Variants in OR4K17 observed in about 807,000 individuals in gnomAD.
OR4K17 encodes the protein olfactory receptor 4K17.
For missense variants in OR4K17, 480 were observed against 366.3 expected (o/e 1.31, Z -2.53); for synonymous variants, 157 against 132.8 (o/e 1.18, Z -1.25).
rs1878103958 is a variant in OR4K17, at chr14:20,119,377, G to A, written c.*939G>A. 1 of 152,288 alleles carries A rather than the reference G, an allele frequency of 6.6e-6. No individual in the cohort carries two copies. Among genetic ancestry groups the A allele is most frequent in the African/African-American group, 2.4e-5 (1 of 41,560 alleles). The allele number at this position is 152,288 out of a possible 1,614,324, so 9.4% of individuals were successfully genotyped here. A position where few individuals can be genotyped will look rare whatever the true frequency, so the allele number is the denominator to read the frequency against. On this transcript the variant is annotated 3_prime_UTR_variant, in exon 2 of 2. Transcript: ENST00000641386. The stretch of plus-strand genomic sequence containing the variant: ...GATTAAGAGATTAAAGTAAAGACAG[G>A]CATAGGAAATCACAAGAGTATTGAT...
chr14:20,115,342 A>G, intron 1 of OR4K17, among the ~76,000 whole-genome samples: 1 of 152,086 alleles, frequency 6.6e-6, no homozygotes, highest in Non-Finnish European at 1.5e-5. Context: ...GCATTATTCA[A>G]TATTTTAAGA....
rs909686381 is a variant in OR4K17, at chr14:20,119,184, A to G, written c.*746A>G. On this transcript the variant is annotated 3_prime_UTR_variant, in exon 2 of 2. Coordinates refer to ENST00000641386, the MANE Select transcript of OR4K17 (RefSeq NM_001004715.5). ...CCCAGCTCCCAGGCAGTCAGACCTA[A>G]TGGTTATCTCTCTTGTTCCCTGAAC... 2 of 152,254 alleles carry G rather than the reference A, an allele frequency of 1.3e-5. No homozygotes were observed. The highest frequency in any genetic ancestry group is 4.8e-5 in the African/African-American group (2 of 41,462). The allele number at this position is 152,254 out of a possible 1,614,324, so 9.4% of individuals were successfully genotyped here. A position where few individuals can be genotyped will look rare whatever the true frequency, so the allele number is the denominator to read the frequency against.
chr14:20,121,832 C>G lies in OR4K17; in HGVS notation c.*3394C>G, dbSNP rs958807842. ...TAGGTTTTACATTCACAGACTCAAT[C>G]AACCACAGATCAAAACTATCAAAAA... is the stretch of plus-strand genomic sequence containing the variant. On this transcript the variant is annotated 3_prime_UTR_variant, in exon 2 of 2. Transcript: ENST00000641386. 5 of 151,982 alleles carry G rather than the reference C, an allele frequency of 3.3e-5. No individual in the cohort carries two copies. Among genetic ancestry groups the G allele is most frequent in the African/African-American group, 1.2e-4 (5 of 41,410 alleles). 9.4% of individuals were successfully genotyped at this position (151,982 alleles called of 1,614,324 possible). A position where few individuals can be genotyped will look rare whatever the true frequency, so the allele number is the denominator to read the frequency against.
chr14:20,113,499 C>T (rs1044921754), intron 1 of OR4K17, among the ~76,000 whole-genome samples: 1 of 151,880 alleles, frequency 6.6e-6, no homozygotes, highest in Non-Finnish European at 1.5e-5. Flanking sequence ...TTATTGTGTG[C>T]CAACTATATG....
intron 1 of OR4K17, among the ~76,000 whole-genome samples, chr14:20,111,326 C>T (rs1877879204): frequency 6.6e-6 from 1 of 151,970 alleles, no homozygotes; most frequent in African/African-American, 2.4e-5. Context: ...AGGAGAGAAT[C>T]ATCGACTGAG....
rs1878174801 is a variant in OR4K17, at chr14:20,121,703, A to C, written c.*3265A>C. Reference sequence around the variant, plus strand: ...ATGAATAAATGAAGACGAAAGAGAAAGATGAAGCAAAAGAAAAGGAAGGGA... The same window carrying C: ...ATGAATAAATGAAGACGAAAGAGAACGATGAAGCAAAAGAAAAGGAAGGGA... On this transcript the variant is annotated 3_prime_UTR_variant, in exon 2 of 2. Transcript: ENST00000641386. The C allele has an allele frequency of 6.6e-6, 1 of 152,052 alleles. No homozygotes were observed. Among genetic ancestry groups the C allele is most frequent in the South Asian group, 2.1e-4 (1 of 4,834 alleles). The allele number at this position is 152,052 out of a possible 1,614,324, so 9.4% of individuals were successfully genotyped here.
In OR4K17 at chr14:20,118,724, G is replaced by A. The variant is rs1272226061; in HGVS notation, c.*286G>A. Reference sequence around the variant, plus strand: ...GGATTTCAAAAGGGAGGCAGTGTACGAATAGGGTGTGGGTCACAGAGATCA... The same window carrying A: ...GGATTTCAAAAGGGAGGCAGTGTACAAATAGGGTGTGGGTCACAGAGATCA... On this transcript the variant is annotated 3_prime_UTR_variant, in exon 2 of 2. Coordinates refer to ENST00000641386, the MANE Select transcript of OR4K17 (RefSeq NM_001004715.5). 8 of 263,766 alleles carry A rather than the reference G, an allele frequency of 3.0e-5. No individual in the cohort carries two copies. The highest frequency in any genetic ancestry group is 1.0e-4 in the South Asian group (2 of 19,850). The allele number at this position is 263,766 out of a possible 1,614,324, so 16.3% of individuals were successfully genotyped here.
In OR4K17 at chr14:20,121,651, C is replaced by A. The variant is rs952838762; in HGVS notation, c.*3213C>A. 2 of 151,318 alleles carry A rather than the reference C, an allele frequency of 1.3e-5. No homozygotes were observed. Among genetic ancestry groups the A allele is most frequent in the South Asian group, 2.1e-4 (1 of 4,790 alleles). 9.4% of individuals were successfully genotyped at this position (151,318 alleles called of 1,614,324 possible). A position where few individuals can be genotyped will look rare whatever the true frequency, so the allele number is the denominator to read the frequency against. On this transcript the variant is annotated 3_prime_UTR_variant, in exon 2 of 2. Transcript: ENST00000641386. Reference sequence around the variant, plus strand: ...TACAAAAACAAAAAAAATAAAAAATCAAAGCATATGCTGGAGAAAATAAAC... The same window carrying A: ...TACAAAAACAAAAAAAATAAAAAATAAAAGCATATGCTGGAGAAAATAAAC...
At position 20,118,474 on chromosome 14, in the gene OR4K17, C is replaced by T. The variant is rs768445784; in HGVS notation, c.*36C>T. The T allele has an allele frequency of 7.9e-6, 10 of 1,261,164 alleles. No individual in the cohort carries two copies. Among genetic ancestry groups the T allele is most frequent in the Non-Finnish European group, 1.0e-5 (9 of 897,820 alleles). The allele number at this position is 1,261,164 out of a possible 1,614,324, so 78.1% of individuals were successfully genotyped here. On this transcript the variant is annotated 3_prime_UTR_variant, in exon 2 of 2. Coordinates refer to ENST00000641386, the MANE Select transcript of OR4K17 (RefSeq NM_001004715.5). ...TAATGGTAGAGGCCGGGCATGGTGG[C>T]TGATGCCTGTAATCCCCACACTTTG...
chr14:20,116,141 T>C (rs1362520534), intron 1 of OR4K17, among the ~76,000 whole-genome samples: 1 of 152,120 alleles, frequency 6.6e-6, no homozygotes, highest in Non-Finnish European at 1.5e-5. Flanking sequence ...AAGGCAGCTG[T>C]TGGAGACAAA....
chr14:20,120,666 C>T lies in OR4K17; in HGVS notation c.*2228C>T, dbSNP rs570686862. 2.2e-4 allele frequency: 33 copies of T among 152,408 alleles called. No individual in the cohort carries two copies. The highest frequency in any genetic ancestry group is 7.2e-4 in the African/African-American group (30 of 41,578). 9.4% of individuals were successfully genotyped at this position (152,408 alleles called of 1,614,324 possible). A position where few individuals can be genotyped will look rare whatever the true frequency, so the allele number is the denominator to read the frequency against. On this transcript the variant is annotated 3_prime_UTR_variant, in exon 2 of 2. Coordinates refer to ENST00000641386, the MANE Select transcript of OR4K17 (RefSeq NM_001004715.5). ...CCATTATAGTTTGGGCAGTGGAATT[C>T]CTGGGCCCAGATACTGCTGCCATTA... is the stretch of plus-strand genomic sequence containing the variant.
At chr14:20,112,232 T>C (rs1877897718) in intron 1 of OR4K17, 1 of 152,012 alleles carries the variant, frequency 6.6e-6, no homozygotes, top group Non-Finnish European at 1.5e-5. Context: ...GAGCATATAA[T>C]ATTAAGATTT....
At position 20,121,738 on chromosome 14, in the gene OR4K17, G is replaced by C. The variant is rs1390125214; in HGVS notation, c.*3300G>C. 1 of 151,998 alleles carries C rather than the reference G, an allele frequency of 6.6e-6. No individual in the cohort carries two copies. The highest frequency in any genetic ancestry group is 1.5e-5 in the Non-Finnish European group (1 of 67,960). The allele number at this position is 151,998 out of a possible 1,614,324, so 9.4% of individuals were successfully genotyped here. A position where few individuals can be genotyped will look rare whatever the true frequency, so the allele number is the denominator to read the frequency against. On this transcript the variant is annotated 3_prime_UTR_variant, in exon 2 of 2. Coordinates refer to ENST00000641386, the MANE Select transcript of OR4K17 (RefSeq NM_001004715.5). ...AAAGAAAAGGAAGGGAACAAAGAGT[G>C]TAAAAAATAACCAGAAAACAATTAA... is the stretch of plus-strand genomic sequence containing the variant.
rs1878130443 is a variant in OR4K17 at position 20,120,239 on chromosome 14, C to T, written c.*1801C>T. ...TCTGTCTTCTTTACAATATTAATGT[C>T]TAAGTCAGCACTCATATGCAGTGTC... On this transcript the variant is annotated 3_prime_UTR_variant, in exon 2 of 2. Transcript: ENST00000641386. 6.6e-6 allele frequency: 1 copy of T among 152,184 alleles called. No homozygotes were observed. Among genetic ancestry groups the T allele is most frequent in the South Asian group, 2.1e-4 (1 of 4,832 alleles). The allele number at this position is 152,184 out of a possible 1,614,324, so 9.4% of individuals were successfully genotyped here. A position where few individuals can be genotyped will look rare whatever the true frequency, so the allele number is the denominator to read the frequency against.
rs375315678 is a variant in OR4K17, at chr14:20,122,033, A to T, written c.*3595A>T. 2.6e-4 allele frequency: 39 copies of T among 152,236 alleles called. No homozygotes were observed. In the South Asian group the frequency reaches 7.7e-3, roughly 30 times the overall value. The allele number at this position is 152,236 out of a possible 1,614,324, so 9.4% of individuals were successfully genotyped here. On this transcript the variant is annotated 3_prime_UTR_variant, in exon 2 of 2. Transcript: ENST00000641386. ...GACATTTTGTATAAGGGACTTAAGC[A>T]TCTATAGATTTTGATAATCACAGGG...
In OR4K17 at chr14:20,118,331, A is replaced by T; in HGVS notation, c.832A>T (p.Ile278Phe). 1 of 1,612,578 alleles carries T rather than the reference A, an allele frequency of 6.2e-7. No individual in the cohort carries two copies. The highest frequency in any genetic ancestry group is 8.5e-7 in the Non-Finnish European group (1 of 1,178,604). Reference sequence around the variant, plus strand: ...GTTCCTTGCTGTGTTTTATACCATCATCACTCCTATCTTGAATCCAATTAT... The same window carrying T: ...GTTCCTTGCTGTGTTTTATACCATCTTCACTCCTATCTTGAATCCAATTAT... ...DKFLAVFYTIITPILNPIIYT... is the reference protein window; with the variant it reads ...DKFLAVFYTIFTPILNPIIYT... Residue 278 changes from isoleucine to phenylalanine, a missense_variant, in exon 2 of 2, where the codon ATC (isoleucine) becomes TTC (phenylalanine). Coordinates refer to ENST00000641386, the MANE Select transcript of OR4K17 (RefSeq NM_001004715.5).
intron 1 of OR4K17, among the ~76,000 whole-genome samples, chr14:20,113,438 C>A (rs1308276044): frequency 1.3e-5 from 2 of 151,980 alleles, no homozygotes; most frequent in Non-Finnish European, 2.9e-5. Context: ...ATGATTTTAT[C>A]TGTGTGAATT....
At position 20,117,825 on chromosome 14, in the gene OR4K17, G is replaced by C. The variant is rs751838990; in HGVS notation, c.326G>C (p.Gly109Ala). ...ATATTTCTCCTTCACTTACTGGGTG[G>C]GGTTGAAATGGTACTGTTGGTCTCC... ...TQIFLLHLLGGVEMVLLVSMA... is the reference protein window; with the variant it reads ...TQIFLLHLLGAVEMVLLVSMA... The change falls in exon 2 of 2, where the codon GGG (glycine) becomes GCG (alanine). Residue 109 changes from glycine to alanine, a missense_variant. Coordinates refer to ENST00000641386, the MANE Select transcript of OR4K17 (RefSeq NM_001004715.5). The C allele has an allele frequency of 1.2e-6, 2 of 1,613,862 alleles. No homozygotes were observed. The highest frequency in any genetic ancestry group is 1.7e-6 in the Non-Finnish European group (2 of 1,179,994).
chr14:20,115,401 G>T (rs1395071638), intron 1 of OR4K17, among the ~76,000 whole-genome samples: 1 of 151,904 alleles, frequency 6.6e-6, no homozygotes, highest in South Asian at 2.1e-4. Context: ...TACAAAATGG[G>T]TTCATACTGT....
Sources: allele counts gnomAD v4.1 joint callset (sites outside exome capture counted in the v4.1 genomes callset), GRCh38; gene constraint gnomAD v4.1.1; transcripts MANE v1.5; gene names NCBI Gene and HGNC (gene_info 2026-07-23, HGNC 2026-07-21).